Variants in CDH12 observed in about 807,000 individuals in gnomAD.
CDH12 encodes cadherin-12.
A neutral mutation model predicts 74.1 loss-of-function variants in CDH12; 41 were observed. The ratio of observed to expected loss-of-function variants is 0.55; its 90% CI spans 0.43 to 0.72. The LOEUF is 0.72. Ranked by LOEUF, CDH12 falls within the 30% of genes least tolerant of loss-of-function variation. The probability of loss-of-function intolerance (pLI) is 0.00; values close to 1 mark genes in which losing one functional copy is unlikely to be tolerated. For missense variants in CDH12, 945 were observed against 977.2 expected (o/e 0.97, Z 0.44); for synonymous variants, 399 against 355.0 (o/e 1.12, Z -1.39).
chr5:22,136,341 A>G (rs912672411), intron 4 of CDH12, among the ~76,000 whole-genome samples: 6 of 151,954 alleles, frequency 3.9e-5, no homozygotes, highest in African/African-American at 1.4e-4. Context: ...CTTGCTGGAA[A>G]AAAACACAAC....
At chr5:22,776,103 A>G (rs904442311) in intron 1 of CDH12, among the ~76,000 whole-genome samples, 4 of 152,186 alleles carry the variant, frequency 2.6e-5, no homozygotes, top group Non-Finnish European at 5.9e-5. Flanking sequence ...GGTCTTTGTC[A>G]GCAGCATGAA....
intron 8 of CDH12, among the ~76,000 whole-genome samples, chr5:21,838,532 C>G (rs1194808347): frequency 6.6e-6 from 1 of 152,132 alleles, no homozygotes; most frequent in African/African-American, 2.4e-5. Context: ...TGCACTCCAG[C>G]CTGGGCCACA....
intron 1 of CDH12, among the ~76,000 whole-genome samples, chr5:22,771,231 C>T (rs1746788498): frequency 6.6e-6 from 1 of 152,114 alleles, no homozygotes; most frequent in Admixed American, 6.6e-5. Flanking sequence ...ACTAACAACT[C>T]CTCTTTTTTG....
At chr5:21,903,757 A>C (rs1340480692) in intron 6 of CDH12, among the ~76,000 whole-genome samples, 1 of 152,144 alleles carries the variant, frequency 6.6e-6, no homozygotes, top group African/African-American at 2.4e-5. Context: ...ACACAAATGA[A>C]CAATAGAAGT....
chr5:22,609,084 C>T (rs916460140), intron 1 of CDH12, among the ~76,000 whole-genome samples: 2 of 152,046 alleles, frequency 1.3e-5, no homozygotes, highest in African/African-American at 2.4e-5. Context: ...AGGTAAGGGG[C>T]ATATTGGGAG....
intron 3 of CDH12, among the ~76,000 whole-genome samples, chr5:22,308,837 C>CAG (rs1738242149): frequency 6.9e-6 from 1 of 145,702 alleles, no homozygotes; most frequent in Non-Finnish European, 1.5e-5. Context: ...CACACACACA[C>CAG]ACACACACAT....
chr5:22,227,565 T>C (rs1752238351), intron 3 of CDH12, among the ~76,000 whole-genome samples: 1 of 152,194 alleles, frequency 6.6e-6, no homozygotes, highest in Non-Finnish European at 1.5e-5. Context: ...TTAGCTAGTA[T>C]AATTTAGATC....
At chr5:21,958,807 C>G (rs1356467546) in intron 6 of CDH12, among the ~76,000 whole-genome samples, 1 of 152,074 alleles carries the variant, frequency 6.6e-6, no homozygotes, top group Non-Finnish European at 1.5e-5. Flanking sequence ...AATTTTAAAA[C>G]AGTTGTTTCT....
At chr5:22,327,350 T>C (rs1471142146) in intron 3 of CDH12, among the ~76,000 whole-genome samples, 4 of 152,088 alleles carry the variant, frequency 2.6e-5, no homozygotes, top group Non-Finnish European at 4.4e-5. Flanking sequence ...TTTTCATAAA[T>C]TGTCAGTATT....
chr5:22,176,703 A>G (rs1471917448), intron 4 of CDH12, among the ~76,000 whole-genome samples: 1 of 152,004 alleles, frequency 6.6e-6, no homozygotes, highest in Non-Finnish European at 1.5e-5. Context: ...CTGCTCTCCT[A>G]CCAGTCAAAC....
At chr5:22,287,568 C>CA (rs1737204967) in intron 3 of CDH12, among the ~76,000 whole-genome samples, 1 of 151,482 alleles carries the variant, frequency 6.6e-6, no homozygotes. Flanking sequence ...ACTAAAAATA[C>CA]AAAAAATTAG....
intron 3 of CDH12, among the ~76,000 whole-genome samples, chr5:22,383,818 AT>A (rs1160283488): frequency 6.6e-6 from 1 of 152,118 alleles, no homozygotes; most frequent in Non-Finnish European, 1.5e-5. Context: ...AATCATTCAC[AT>A]TTGGAGATCT....
At chr5:22,673,099 T>C (rs1426287415) in intron 1 of CDH12, among the ~76,000 whole-genome samples, 2 of 152,162 alleles carry the variant, frequency 1.3e-5, no homozygotes, top group African/African-American at 4.8e-5. Context: ...CTCCAACTCT[T>C]ATTGTGATAC....
In CDH12 at chr5:21,751,732, C is replaced by T; in HGVS notation, c.*5G>A. ...CTCGGTTGTATTTTAGCCTCCACGACTCCCTTAAGTGACTTTATCAGGGTT... is the reference window on the plus strand; with the variant it reads ...CTCGGTTGTATTTTAGCCTCCACGATTCCCTTAAGTGACTTTATCAGGGTT... On this transcript the variant is annotated 3_prime_UTR_variant, in exon 15 of 15. Coordinates refer to ENST00000382254, the MANE Select transcript of CDH12 (RefSeq NM_004061.5). The T allele has an allele frequency of 6.3e-7, 1 of 1,596,226 alleles. No homozygotes were observed. Among genetic ancestry groups the T allele is most frequent in the South Asian group, 1.1e-5 (1 of 88,636 alleles).
At chr5:22,627,205 A>G (rs1331531020) in intron 1 of CDH12, among the ~76,000 whole-genome samples, 2 of 152,228 alleles carry the variant, frequency 1.3e-5, no homozygotes, top group Non-Finnish European at 1.5e-5. Context: ...ACTTCACTAG[A>G]GAAGCCAATA....
intron 3 of CDH12, among the ~76,000 whole-genome samples, chr5:22,274,900 T>C (rs1332608069): frequency 6.6e-6 from 1 of 152,194 alleles, no homozygotes; most frequent in Non-Finnish European, 1.5e-5. Context: ...AAATTTCGGG[T>C]GTCTTTTGAA....
chr5:22,432,486 A>G (rs1487923499), intron 2 of CDH12, among the ~76,000 whole-genome samples: 1 of 152,138 alleles, frequency 6.6e-6, no homozygotes, highest in East Asian at 1.9e-4. Context: ...TTAAAGTGAT[A>G]GTGGAAAAAC....
chr5:22,425,141 A>ATGTGTG (rs1384334058), intron 2 of CDH12, among the ~76,000 whole-genome samples: 12 of 96,744 alleles, frequency 1.2e-4, no homozygotes, highest in Non-Finnish European at 2.2e-4. Context: ...AAAATTATAT[A>ATGTGTG]TATGTGTGTG....
chr5:22,576,532 G>A (rs945303586), intron 1 of CDH12, among the ~76,000 whole-genome samples: 1 of 152,192 alleles, frequency 6.6e-6, no homozygotes, highest in Non-Finnish European at 1.5e-5. Context: ...TTACTGTACA[G>A]TTATGTTCCG....
Sources: gnomAD v4.1 joint callset for allele counts (sites outside exome capture counted in the v4.1 genomes callset) on GRCh38, gnomAD v4.1.1 for gene constraint, MANE v1.5 for transcripts, NCBI Gene and HGNC (gene_info 2026-07-23, HGNC 2026-07-21) for gene names.